Variants in CNTN5 observed in about 807,000 individuals in gnomAD.
The protein encoded by CNTN5 is contactin-5.
CNTN5 carries 77 observed loss-of-function variants against 129.1 expected under a neutral mutation model. That is an observed-to-expected ratio of 0.60 (90% CI 0.50 to 0.72). The LOEUF (loss-of-function observed/expected upper bound fraction) is 0.72. Ranked by LOEUF, CNTN5 falls within the 30% of genes least tolerant of loss-of-function variation. The pLI is 0.00. For synonymous variants in CNTN5, 509 were observed against 465.6 expected (o/e 1.09, Z -1.20); for missense variants, 1,478 against 1,328.8 (o/e 1.11, Z -1.75).
chr11:99,950,141 G>A (rs538060326), intron 7 of CNTN5, among the ~76,000 whole-genome samples: 5 of 152,112 alleles, frequency 3.3e-5, no homozygotes, highest in South Asian at 2.1e-4. Context: ...TCAAACATAT[G>A]ACAAGTATTC....
chr11:99,121,194 G>A (rs1858307404), intron 1 of CNTN5, among the ~76,000 whole-genome samples: 1 of 150,738 alleles, frequency 6.6e-6, no homozygotes. Flanking sequence ...GAGTGCAGTG[G>A]CACCATCTGG....
chr11:100,135,270 G>A (rs1946488995), intron 13 of CNTN5, among the ~76,000 whole-genome samples: 1 of 150,854 alleles, frequency 6.6e-6, no homozygotes, highest in African/African-American at 2.4e-5. Context: ...CCACCTCCTG[G>A]GTTCAAGCAA....
At chr11:100,241,763 CTAAG>C (rs1372146237) in intron 16 of CNTN5, among the ~76,000 whole-genome samples, 3 of 152,140 alleles carry the variant, frequency 2.0e-5, no homozygotes, top group Admixed American at 6.5e-5. Context: ...TAATCATGCT[CTAAG>C]TAAGACCGCA....
chr11:99,293,825 T>G (rs1030629707), intron 1 of CNTN5, among the ~76,000 whole-genome samples: 9 of 152,190 alleles, frequency 5.9e-5, no homozygotes, highest in African/African-American at 2.2e-4. Flanking sequence ...TTAGTCTAGC[T>G]AAAGGTTTGT....
chr11:99,566,610 G>C (rs901844133), intron 3 of CNTN5, among the ~76,000 whole-genome samples: 2 of 152,140 alleles, frequency 1.3e-5, no homozygotes, highest in Non-Finnish European at 2.9e-5. Context: ...ACAGAGAATA[G>C]CAGTGGCCAG....
At chr11:99,797,302 G>T (rs985306110) in intron 3 of CNTN5, among the ~76,000 whole-genome samples, 7 of 152,098 alleles carry the variant, frequency 4.6e-5, no homozygotes, top group African/African-American at 1.7e-4. Context: ...GGTAGTTCTG[G>T]TTTAAGTTAT....
At chr11:100,196,989 T>C (rs555262273) in intron 15 of CNTN5, among the ~76,000 whole-genome samples, 42 of 152,144 alleles carry the variant, frequency 2.8e-4, no homozygotes, top group Non-Finnish European at 4.9e-4. Context: ...CAGTATGGGC[T>C]ATGATCTGCT....
At chr11:99,091,021 C>CA (rs68113369) in intron 1 of CNTN5, among the ~76,000 whole-genome samples, 3,775 of 56,178 alleles carry the variant, frequency 0.067, 332 homozygotes, top group African/African-American at 0.11. Flanking sequence ...GACTCCGTCT[C>CA]AAAAAAAAAA....
intron 9 of CNTN5, 63 bp from the exon 10 acceptor site, chr11:100,061,149 T>A: frequency 7.5e-7 from 1 of 1,339,416 alleles, no homozygotes. Context: ...AATTACCAGA[T>A]AACAGAATCT....
intron 2 of CNTN5, among the ~76,000 whole-genome samples, chr11:99,461,283 A>G (rs1416678304): frequency 1.3e-5 from 2 of 152,152 alleles, no homozygotes; most frequent in East Asian, 3.8e-4. Flanking sequence ...TTGATGTGCT[A>G]CTGACATTTT....
intron 1 of CNTN5, among the ~76,000 whole-genome samples, chr11:99,251,831 G>A (rs558961450): frequency 6.6e-6 from 1 of 152,040 alleles, no homozygotes; most frequent in East Asian, 1.9e-4. Context: ...CTTTATCCAT[G>A]GCTATATGGA....
At chr11:99,762,957 A>G (rs79762560) in intron 3 of CNTN5, among the ~76,000 whole-genome samples, 1,759 of 152,216 alleles carry the variant, frequency 0.012, 35 homozygotes, top group African/African-American at 0.04. Flanking sequence ...GAGTCTCCCT[A>G]TCACAGTCTC....
chr11:99,039,726 T>C (rs1190377277), intron 1 of CNTN5, among the ~76,000 whole-genome samples: 3 of 152,132 alleles, frequency 2.0e-5, no homozygotes, highest in Non-Finnish European at 4.4e-5. Context: ...CTCCTGAGCA[T>C]TGGATCCAAA....
intron 1 of CNTN5, among the ~76,000 whole-genome samples, chr11:99,038,576 G>A (rs193145845): frequency 5.9e-5 from 9 of 152,100 alleles, no homozygotes; most frequent in Admixed American, 3.3e-4. Context: ...ATTTTACAAC[G>A]CCTTCATTGC....
At chr11:100,103,315 T>C (rs1013242353) in intron 13 of CNTN5, among the ~76,000 whole-genome samples, 4 of 152,148 alleles carry the variant, frequency 2.6e-5, no homozygotes, top group Admixed American at 1.3e-4. Flanking sequence ...AAATGAGTCT[T>C]TGCCAGCTTT....
chr11:99,866,761 C>T (rs1948367498), intron 6 of CNTN5, among the ~76,000 whole-genome samples: 1 of 152,186 alleles, frequency 6.6e-6, no homozygotes, highest in South Asian at 2.1e-4. Flanking sequence ...CACCTGCTGG[C>T]TTAGCCCATG....
rs531209854 is a variant in CNTN5, at chr11:99,353,600, T to C, written c.-71+28116T>C. On this transcript the variant is annotated intron_variant, in intron 2 of 24. Transcript: ENST00000524871. ...GATTGAATCATGGTCAGATTTAACT[T>C]TGCATATGTATGGCTAAGTCAAAAG... Among the ~76,000 whole-genome samples, 12 of 152,320 alleles carry C rather than the reference T, an allele frequency of 7.9e-5. No individual in the cohort carries two copies. The East Asian group carries it at 2.3e-3, about 29-fold the overall frequency.
intron 7 of CNTN5, among the ~76,000 whole-genome samples, chr11:99,930,796 A>AAC (rs59103010): frequency 5.4e-4 from 80 of 149,516 alleles, no homozygotes; most frequent in African/African-American, 8.9e-4. Context: ...CATACACACA[A>AAC]ACACACACAC....
chr11:99,399,639 G>A (rs34159492), intron 2 of CNTN5, among the ~76,000 whole-genome samples: 6 of 151,220 alleles, frequency 4.0e-5, no homozygotes, highest in Non-Finnish European at 7.4e-5. Flanking sequence ...GTGGAACAGT[G>A]GTGGAAATAT....
Sources: gnomAD v4.1 joint callset for allele counts (sites outside exome capture counted in the v4.1 genomes callset) on GRCh38, gnomAD v4.1.1 for gene constraint, MANE v1.5 for transcripts, NCBI Gene and HGNC (gene_info 2026-07-23, HGNC 2026-07-21) for gene names.